The following CHRM5 variants were observed in gnomAD, a reference collection of about 807,000 sequenced individuals.
CHRM5 encodes the protein muscarinic acetylcholine receptor M5.
CHRM5 carries 18 observed loss-of-function variants against 39.0 expected under a neutral mutation model. That is an observed-to-expected ratio of 0.46 (90% CI 0.32 to 0.68). CHRM5 has a LOEUF of 0.68. Among genes scored for constraint, CHRM5 ranks in the 30% least tolerant of loss-of-function variants. The probability of loss-of-function intolerance (pLI) is 0.04; values close to 1 mark genes in which losing one functional copy is unlikely to be tolerated. For missense variants in CHRM5, 515 were observed against 651.1 expected (o/e 0.79, Z 2.28); for synonymous variants, 241 against 246.3 (o/e 0.98, Z 0.20).
chr15:34,005,678 G>GT (rs1897310816), intron 1 of CHRM5, among the ~76,000 whole-genome samples: 1 of 152,156 alleles, frequency 6.6e-6, no homozygotes, highest in Non-Finnish European at 1.5e-5. Context: ...CGAGGAAATT[G>GT]TTTGTGCAGT....
At chr15:33,975,049 C>A (rs893171955) in intron 1 of CHRM5, among the ~76,000 whole-genome samples, 3 of 152,118 alleles carry the variant, frequency 2.0e-5, no homozygotes, top group Non-Finnish European at 4.4e-5. Context: ...TTTCAAACAC[C>A]ATCTTAGATA....
At chr15:34,004,804 T>C (rs1897273362) in intron 1 of CHRM5, among the ~76,000 whole-genome samples, 1 of 152,152 alleles carries the variant, frequency 6.6e-6, no homozygotes, top group African/African-American at 2.4e-5. Flanking sequence ...TTTGCATGTA[T>C]TTAAATTTTT....
At chr15:33,972,151 C>T (rs1895664522) in intron 1 of CHRM5, 3 of 151,952 alleles carry the variant, frequency 2.0e-5, no homozygotes, top group Non-Finnish European at 4.4e-5. Context: ...ATTAATAATT[C>T]AAAAGCGGGA....
rs1900501159 is a variant in CHRM5, at chr15:34,066,016, G to C, written c.*1700G>C. The C allele has an allele frequency of 6.6e-6, 1 of 152,274 alleles. No homozygotes were observed. The highest frequency in any genetic ancestry group is 6.5e-5 in the Admixed American group (1 of 15,284). The allele number at this position is 152,274 out of a possible 1,614,324, so 9.4% of individuals were successfully genotyped here. A position where few individuals can be genotyped will look rare whatever the true frequency, so the allele number is the denominator to read the frequency against. ...AGCCTACCACTGAAGAGCATCATCA[G>C]CCTCTCACAGGATGTCCCACGGAGG... is the stretch of plus-strand genomic sequence containing the variant. On this transcript the variant is annotated 3_prime_UTR_variant, in exon 3 of 3. Coordinates refer to ENST00000383263, the MANE Select transcript of CHRM5 (RefSeq NM_012125.4).
At chr15:34,032,105 A>T (rs2140766399) in intron 1 of CHRM5, among the ~76,000 whole-genome samples, 1 of 152,322 alleles carries the variant, frequency 6.6e-6, no homozygotes, top group South Asian at 2.1e-4. Context: ...TAAGTTAGTC[A>T]GTAGCTTCTA....
intron 1 of CHRM5, among the ~76,000 whole-genome samples, chr15:33,992,688 A>G (rs1597324064): frequency 6.6e-6 from 1 of 152,166 alleles, no homozygotes; most frequent in Non-Finnish European, 1.5e-5. Context: ...AGCTGAATCA[A>G]TGAGGACAAA....
At chr15:34,051,765 T>C (rs191247811) in intron 2 of CHRM5, among the ~76,000 whole-genome samples, 1 of 151,874 alleles carries the variant, frequency 6.6e-6, no homozygotes, top group African/African-American at 2.4e-5. Flanking sequence ...CCTGAACACA[T>C]ACACCCTCCC....
At chr15:34,015,040 G>GA (rs1490106744) in intron 1 of CHRM5, among the ~76,000 whole-genome samples, 1 of 152,146 alleles carries the variant, frequency 6.6e-6, no homozygotes, top group East Asian at 1.9e-4. Flanking sequence ...CCTGAAGCCT[G>GA]AAAAGCTGTC....
At chr15:34,048,022 CGTGTGTGTGTGTGTTT>C (rs1437999370) in intron 2 of CHRM5, among the ~76,000 whole-genome samples, 3 of 151,470 alleles carry the variant, frequency 2.0e-5, no homozygotes, top group East Asian at 2.0e-4. Context: ...ACGTCCAGCT[CGTGTGTGTGTGTGTTT>C]GTGTGTGTGT....
At chr15:34,007,509 A>G (rs572707342) in intron 1 of CHRM5, among the ~76,000 whole-genome samples, 4 of 152,310 alleles carry the variant, frequency 2.6e-5, no homozygotes, top group African/African-American at 9.6e-5. Flanking sequence ...ACCTACCCAG[A>G]GTCGCCTTTA....
At chr15:34,020,840 C>G (rs1354818247) in intron 1 of CHRM5, among the ~76,000 whole-genome samples, 1 of 152,156 alleles carries the variant, frequency 6.6e-6, no homozygotes, top group Non-Finnish European at 1.5e-5. Context: ...CAGCCCTAAC[C>G]AGTAAAAGCT....
chr15:33,986,728 C>A (rs141904249), intron 1 of CHRM5, among the ~76,000 whole-genome samples: 8 of 151,780 alleles, frequency 5.3e-5, no homozygotes, highest in Admixed American at 2.0e-4. Flanking sequence ...GCAATCTTGG[C>A]TCACTGCAAC....
intron 1 of CHRM5, chr15:34,003,114 A>G (rs1897201905): frequency 6.2e-7 from 1 of 1,613,874 alleles, no homozygotes; most frequent in African/African-American, 1.3e-5. Context: ...CAATATCTTG[A>G]TATCGATCCC....
intron 1 of CHRM5, among the ~76,000 whole-genome samples, chr15:34,029,525 A>C (rs1012130610): frequency 6.4e-4 from 54 of 84,568 alleles, no homozygotes; most frequent in Middle Eastern, 8.9e-3. Context: ...TACAAAAAAA[A>C]AAAAAAAAAA....
At chr15:34,030,490 T>C (rs1288765280) in intron 1 of CHRM5, among the ~76,000 whole-genome samples, 5 of 152,024 alleles carry the variant, frequency 3.3e-5, no homozygotes, top group Admixed American at 1.3e-4. Context: ...GGACTACAGC[T>C]GCCTGCCACC....
At chr15:33,986,419 T>C (rs1896472137) in intron 1 of CHRM5, among the ~76,000 whole-genome samples, 1 of 151,984 alleles carries the variant, frequency 6.6e-6, no homozygotes, top group Non-Finnish European at 1.5e-5. Flanking sequence ...CACTGTAAAT[T>C]TTTATAAACT....
chr15:34,058,696 C>T (rs1047706685), intron 2 of CHRM5, among the ~76,000 whole-genome samples: 1 of 152,100 alleles, frequency 6.6e-6, no homozygotes, highest in Non-Finnish European at 1.5e-5. Flanking sequence ...TTCAGGCCTT[C>T]TCTGCCTATA....
intron 2 of CHRM5, among the ~76,000 whole-genome samples, chr15:34,049,888 CTTTTTT>C (rs61235689): frequency 1.5e-5 from 2 of 137,100 alleles, no homozygotes; most frequent in Admixed American, 1.5e-4. Context: ...TCAACATCAA[CTTTTTT>C]TTTTTTTTTT....
At chr15:34,038,668 C>G (rs1354042519) in intron 1 of CHRM5, 43 of 925,774 alleles carry the variant, frequency 4.6e-5, no homozygotes, top group Non-Finnish European at 5.5e-5. Context: ...GCCGGCGCCG[C>G]CGCCCGTCTG....
Sources: gnomAD v4.1 joint callset for allele counts (sites outside exome capture counted in the v4.1 genomes callset) on GRCh38, gnomAD v4.1.1 for gene constraint, MANE v1.5 for transcripts, NCBI Gene and HGNC (gene_info 2026-07-23, HGNC 2026-07-21) for gene names.